MPPED2: variants seen among roughly 807,000 people sequenced by gnomAD.
The protein encoded by MPPED2 is metallophosphoesterase MPPED2.
MPPED2 carries 5 observed loss-of-function variants against 33.0 expected under a neutral mutation model. That is an observed-to-expected ratio of 0.15 (90% CI 0.08 to 0.32). MPPED2 has a LOEUF of 0.32. Ranked by LOEUF, MPPED2 falls within the 10% of genes least tolerant of loss-of-function variation. The pLI is 1.00. For missense variants in MPPED2, 275 were observed against 372.1 expected, an observed-to-expected ratio of 0.74 and a Z score of 2.15; for synonymous variants, 136 against 141.9, an observed-to-expected ratio of 0.96 and a Z score of 0.29.
intron 5 of MPPED2, among the ~76,000 whole-genome samples, chr11:30,415,368 A>G (rs370618906): frequency 3.9e-5 from 6 of 152,206 alleles, no homozygotes; most frequent in African/African-American, 1.4e-4. Flanking sequence ...CTTAAGCTAC[A>G]TTGATTGGCA....
intron 4 of MPPED2, among the ~76,000 whole-genome samples, chr11:30,418,445 A>G (rs993967520): frequency 3.9e-5 from 6 of 152,218 alleles, no homozygotes; most frequent in African/African-American, 1.4e-4. Flanking sequence ...TGTCTCTACC[A>G]TTTAAGATAC....
intron 5 of MPPED2, among the ~76,000 whole-genome samples, chr11:30,417,231 G>T (rs1303941085): frequency 6.6e-6 from 1 of 152,026 alleles, no homozygotes; most frequent in Non-Finnish European, 1.5e-5. Context: ...AGTGAATACA[G>T]TTCTTAAAAT....
intron 4 of MPPED2, among the ~76,000 whole-genome samples, chr11:30,447,769 G>A (rs1565076770): frequency 6.6e-6 from 1 of 152,126 alleles, no homozygotes; most frequent in Non-Finnish European, 1.5e-5. Flanking sequence ...GTCTGCTTCA[G>A]AATGAATCTT....
chr11:30,472,135 T>A (rs10767852), intron 4 of MPPED2, among the ~76,000 whole-genome samples: 1 of 152,138 alleles, frequency 6.6e-6, no homozygotes, highest in African/African-American at 2.4e-5. Context: ...GGGGCAAGGC[T>A]GGAGGACAGT....
intron 6 of MPPED2, among the ~76,000 whole-genome samples, chr11:30,392,239 A>G (rs1947788364): frequency 6.6e-6 from 1 of 152,188 alleles, no homozygotes; most frequent in Non-Finnish European, 1.5e-5. Flanking sequence ...GGTCTTTGCC[A>G]GAAGCCACAA....
At chr11:30,494,703 A>G (rs1337280226) in intron 4 of MPPED2, among the ~76,000 whole-genome samples, 1 of 129,264 alleles carries the variant, frequency 7.7e-6, no homozygotes, top group African/African-American at 2.9e-5. Context: ...ACACCACTGC[A>G]TTCCAGCCTG....
chr11:30,411,778 T>C (rs1221758034), intron 6 of MPPED2, among the ~76,000 whole-genome samples, 192 bp from the exon 7 acceptor site: 1 of 152,218 alleles, frequency 6.6e-6, no homozygotes, highest in Non-Finnish European at 1.5e-5. Context: ...AATGGTAGAA[T>C]CTTCTCCTTC....
At chr11:30,473,880 G>A (rs550518658) in intron 4 of MPPED2, among the ~76,000 whole-genome samples, 1 of 152,260 alleles carries the variant, frequency 6.6e-6, no homozygotes, top group South Asian at 2.1e-4. Context: ...CAACCTGTGA[G>A]CAACTGATTC....
chr11:30,477,238 C>T (rs571649711), intron 4 of MPPED2, among the ~76,000 whole-genome samples: 1 of 152,074 alleles, frequency 6.6e-6, no homozygotes, highest in East Asian at 1.9e-4. Context: ...GTGTTTATTA[C>T]ACCATGGAGG....
chr11:30,542,938 C>A (rs889647314), intron 2 of MPPED2, among the ~76,000 whole-genome samples: 7 of 152,134 alleles, frequency 4.6e-5, no homozygotes, highest in Admixed American at 6.5e-5. Context: ...AGTCACCTAA[C>A]TCTGGCAACC....
At chr11:30,467,388 G>A (rs756331126) in intron 4 of MPPED2, among the ~76,000 whole-genome samples, 2 of 152,204 alleles carry the variant, frequency 1.3e-5, no homozygotes, top group Non-Finnish European at 2.9e-5. Context: ...GCTCTCAGCT[G>A]GCACAGCTGT....
At chr11:30,449,779 C>G (rs570121596) in intron 4 of MPPED2, among the ~76,000 whole-genome samples, 1 of 152,042 alleles carries the variant, frequency 6.6e-6, no homozygotes, top group Non-Finnish European at 1.5e-5. Context: ...AGAGAGATAC[C>G]CTATCATGAG....
In MPPED2 at chr11:30,563,402, G is replaced by A. The variant is rs943970831; in HGVS notation, c.128+16844C>T. Among the ~76,000 whole-genome samples the A allele has an allele frequency of 4.6e-5, 7 of 152,146 alleles. No homozygotes were observed. The East Asian group carries it at 7.7e-4, about 17-fold the overall frequency. On this transcript the variant is annotated intron_variant, in intron 2 of 6. Coordinates refer to ENST00000358117, the MANE Select transcript of MPPED2 (RefSeq NM_001584.3). ...TGGGCTCCTATCAGAATCTAATGTC[G>A]CAGCTGATCTGACAGGAGGTGGAAG...
At chr11:30,581,204 T>A (rs1957149753) in intron 1 of MPPED2, among the ~76,000 whole-genome samples, 1 of 152,114 alleles carries the variant, frequency 6.6e-6, no homozygotes, top group Non-Finnish European at 1.5e-5. Flanking sequence ...CCACTTTGAA[T>A]GCATTCATTA....
intron 4 of MPPED2, among the ~76,000 whole-genome samples, chr11:30,431,693 C>T (rs1949084248): frequency 6.6e-6 from 1 of 152,158 alleles, no homozygotes; most frequent in Admixed American, 6.5e-5. Context: ...ATTGAATTTA[C>T]TCAACCACGT....
At chr11:30,467,563 C>T (rs1416998220) in intron 4 of MPPED2, among the ~76,000 whole-genome samples, 4 of 152,282 alleles carry the variant, frequency 2.6e-5, no homozygotes, top group East Asian at 3.9e-4. Context: ...AGAGGGCTCC[C>T]ACCAAATGGC....
intron 2 of MPPED2, among the ~76,000 whole-genome samples, chr11:30,551,782 A>G (rs148754463): frequency 1.3e-5 from 2 of 152,320 alleles, no homozygotes; most frequent in Admixed American, 6.5e-5. Flanking sequence ...CAAACGGACA[A>G]CCTCTGGAAT....
At chr11:30,483,758 C>T (rs1001578563) in intron 4 of MPPED2, among the ~76,000 whole-genome samples, 1 of 152,072 alleles carries the variant, frequency 6.6e-6, no homozygotes, top group Admixed American at 6.6e-5. Context: ...CTTTCTAGAA[C>T]CATGGCGCTC....
chr11:30,526,305 AG>A (rs1327152366), intron 3 of MPPED2, among the ~76,000 whole-genome samples: 1 of 152,130 alleles, frequency 6.6e-6, no homozygotes, highest in Admixed American at 6.6e-5. Context: ...CACCACGACA[AG>A]GACAACAATG....
Sources: allele counts gnomAD v4.1 joint callset (sites outside exome capture counted in the v4.1 genomes callset), GRCh38; gene constraint gnomAD v4.1.1; transcripts MANE v1.5; gene names NCBI Gene and HGNC (gene_info 2026-07-23, HGNC 2026-07-21).